Variants in KCNMB2 observed in about 807,000 individuals in gnomAD.
The protein encoded by KCNMB2 is potassium calcium-activated channel subfamily M regulatory beta subunit 2, also known as calcium-activated potassium channel subunit beta-2.
Under a neutral mutation model 24.5 loss-of-function variants are expected in KCNMB2, and 9 were observed. The ratio of observed to expected loss-of-function variants is 0.37; its 90% CI spans 0.22 to 0.64. KCNMB2 has a LOEUF of 0.64. Among genes scored for constraint, KCNMB2 ranks in the 30% least tolerant of loss-of-function variants. The pLI, the probability that KCNMB2 is intolerant of heterozygous loss-of-function variation, is 0.63. For missense variants in KCNMB2, 226 were observed against 284.3 expected, an observed-to-expected ratio of 0.79 and a Z score of 1.47; for synonymous variants, 109 against 104.4, an observed-to-expected ratio of 1.04 and a Z score of -0.27.
At chr3:178,679,040 G>GTTTTTTTT (rs1308658664) in intron 1 of KCNMB2, among the ~76,000 whole-genome samples, 2 of 115,630 alleles carry the variant, frequency 1.7e-5, no homozygotes, top group Admixed American at 8.0e-5. Context: ...TTGTTTGTTT[G>GTTTTTTTT]TTTTTTGTTT....
At chr3:178,815,179 C>T (rs563808527) in intron 2 of KCNMB2, among the ~76,000 whole-genome samples, 14 of 152,226 alleles carry the variant, frequency 9.2e-5, no homozygotes, top group Non-Finnish European at 1.5e-4. Context: ...CGCTCTGTCA[C>T]ACTGGCTGGA....
At chr3:178,757,191 A>AAC (rs1322708013) in intron 1 of KCNMB2, 1 of 148,940 alleles carries the variant, frequency 6.7e-6, no homozygotes, top group Non-Finnish European at 1.5e-5. Context: ...AAACCAAAAA[A>AAC]AAAAAACAGT....
intron 1 of KCNMB2, among the ~76,000 whole-genome samples, chr3:178,713,247 T>G (rs1201649103): frequency 6.6e-6 from 1 of 152,244 alleles, no homozygotes; most frequent in Non-Finnish European, 1.5e-5. Flanking sequence ...TACAGATTCA[T>G]GTTTTTATCC....
intron 1 of KCNMB2, among the ~76,000 whole-genome samples, chr3:178,597,948 G>A (rs1560124580): frequency 6.6e-6 from 1 of 151,808 alleles, no homozygotes; most frequent in Non-Finnish European, 1.5e-5. Flanking sequence ...AGAAATGGCT[G>A]GAAAAGTGAA....
intron 1 of KCNMB2, among the ~76,000 whole-genome samples, chr3:178,680,368 C>T (rs1721227633): frequency 6.6e-6 from 1 of 152,232 alleles, no homozygotes; most frequent in African/African-American, 2.4e-5. Context: ...ACACTTACAG[C>T]TTCTACAACA....
intron 2 of KCNMB2, chr3:178,820,781 A>G (rs1212689860): frequency 6.6e-6 from 1 of 152,342 alleles, no homozygotes; most frequent in East Asian, 1.9e-4. Context: ...CAAGATATTT[A>G]TCACAAACAC....
At chr3:178,760,992 G>A (rs1214969096) in intron 1 of KCNMB2, among the ~76,000 whole-genome samples, 1 of 152,020 alleles carries the variant, frequency 6.6e-6, no homozygotes, top group Non-Finnish European at 1.5e-5. Context: ...TAGGGCCTCG[G>A]CATTAAGAAA....
chr3:178,789,339 G>A (rs114599696), intron 1 of KCNMB2, among the ~76,000 whole-genome samples: 4 of 152,274 alleles, frequency 2.6e-5, no homozygotes, highest in African/African-American at 9.6e-5. Context: ...AAAGCAGGCT[G>A]CAAGACAACC....
At chr3:178,795,274 G>A (rs1227462671) in intron 1 of KCNMB2, 1 of 152,002 alleles carries the variant, frequency 6.6e-6, no homozygotes, top group Middle Eastern at 3.1e-3. Flanking sequence ...TGGGGCAGGG[G>A]GCATCCTTTG....
chr3:178,600,654 A>C (rs958367414), intron 1 of KCNMB2, among the ~76,000 whole-genome samples: 2 of 152,176 alleles, frequency 1.3e-5, no homozygotes, highest in African/African-American at 2.4e-5. Context: ...ACTTCAGGAC[A>C]GAGATGGTAG....
At chr3:178,624,292 T>C (rs1453461674) in intron 1 of KCNMB2, among the ~76,000 whole-genome samples, 1 of 151,082 alleles carries the variant, frequency 6.6e-6, no homozygotes, top group Non-Finnish European at 1.5e-5. Flanking sequence ...ACCCAACCCA[T>C]GAACAGCTCA....
At chr3:178,571,580 T>C (rs1333524546) in intron 1 of KCNMB2, among the ~76,000 whole-genome samples, 1 of 151,402 alleles carries the variant, frequency 6.6e-6, no homozygotes, top group African/African-American at 2.4e-5. Context: ...GTTTGCTACA[T>C]AGGTATACAC....
At chr3:178,568,828 AGATG>A (rs1560112317) in intron 1 of KCNMB2, among the ~76,000 whole-genome samples, 6 of 76,016 alleles carry the variant, frequency 7.9e-5, no homozygotes, top group Admixed American at 5.3e-4. Context: ...ATAGATAGAT[AGATG>A]ATAGATAGAT....
In KCNMB2 at chr3:178,830,376, T is replaced by C. The variant is rs554048161; in HGVS notation, c.423+2003T>C. Among the ~76,000 whole-genome samples the C allele has an allele frequency of 2.0e-5, 3 of 152,272 alleles. No homozygotes were observed. The East Asian group carries it at 5.8e-4, about 29-fold the overall frequency. On this transcript the variant is annotated intron_variant, in intron 4 of 4. Transcript: ENST00000452583. ...TCTACTGCTGATGGACATTTTGAAT[T>C]GTCTATAGTTTGGGACTACTACAAG...
intron 1 of KCNMB2, among the ~76,000 whole-genome samples, chr3:178,599,736 T>A (rs1718011106): frequency 6.6e-6 from 1 of 152,170 alleles, no homozygotes; most frequent in African/African-American, 2.4e-5. Flanking sequence ...AACTGAAACT[T>A]CATACCCATG....
intron 2 of KCNMB2, among the ~76,000 whole-genome samples, chr3:178,818,969 T>C (rs1714516529): frequency 6.6e-6 from 1 of 152,218 alleles, no homozygotes; most frequent in Non-Finnish European, 1.5e-5. Context: ...AGACTTAGTT[T>C]GGTCCGTCAA....
intron 1 of KCNMB2, among the ~76,000 whole-genome samples, chr3:178,670,019 T>C (rs1013338937): frequency 6.6e-6 from 1 of 152,108 alleles, no homozygotes; most frequent in Non-Finnish European, 1.5e-5. Flanking sequence ...CATATACATA[T>C]TGATTGATTT....
intron 1 of KCNMB2, among the ~76,000 whole-genome samples, chr3:178,688,069 T>C (rs1248441348): frequency 1.3e-5 from 2 of 152,108 alleles, no homozygotes; most frequent in Admixed American, 6.5e-5. Flanking sequence ...GTGAGAAAAA[T>C]TGAGAATCAA....
intron 1 of KCNMB2, among the ~76,000 whole-genome samples, chr3:178,778,470 A>ACGTGCGCGCGCGCGCG (rs1469982956): frequency 5.1e-4 from 45 of 88,648 alleles, no homozygotes; most frequent in South Asian, 1.4e-3. Flanking sequence ...ACACACACAC[A>ACGTGCGCGCGCGCGCG]CACACACACA....
Sources: allele counts gnomAD v4.1 joint callset (sites outside exome capture counted in the v4.1 genomes callset), GRCh38; gene constraint gnomAD v4.1.1; transcripts MANE v1.5; gene names NCBI Gene and HGNC (gene_info 2026-07-23, HGNC 2026-07-21).